FAM193A: variants seen among roughly 807,000 people sequenced by gnomAD.
FAM193A encodes family with sequence similarity 193 member A, also known as protein FAM193A.
Under a neutral mutation model 126.5 loss-of-function variants are expected in FAM193A, and 22 were observed. That is an observed-to-expected ratio of 0.17 (90% CI 0.12 to 0.25). The LOEUF (loss-of-function observed/expected upper bound fraction) is 0.25. FAM193A is among the 10% of genes least tolerant of loss of function. The probability of loss-of-function intolerance (pLI) is 1.00; values close to 1 mark genes in which losing one functional copy is unlikely to be tolerated. For synonymous variants in FAM193A, 761 were observed against 646.8 expected, an observed-to-expected ratio of 1.18 and a Z score of -2.68; for missense variants, 1,675 against 1,672.8, an observed-to-expected ratio of 1.00 and a Z score of -0.02.
intron 1 of FAM193A, among the ~76,000 whole-genome samples, chr4:2,580,946 G>C (rs756497813): frequency 6.6e-6 from 1 of 152,118 alleles, no homozygotes; most frequent in South Asian, 2.1e-4. Context: ...TGGCTAACAC[G>C]GTGAAACCCC....
chr4:2,623,460 G>A (rs1429121529), intron 2 of FAM193A, among the ~76,000 whole-genome samples: 1 of 151,682 alleles, frequency 6.6e-6, no homozygotes, highest in African/African-American at 2.4e-5. Context: ...GTGAGCCACC[G>A]CGCCTGGCCG....
chr4:2,601,672 T>C (rs891976622), intron 2 of FAM193A, among the ~76,000 whole-genome samples: 1 of 151,722 alleles, frequency 6.6e-6, no homozygotes, highest in African/African-American at 2.4e-5. Flanking sequence ...GAGGATTGCT[T>C]GAGGCCAGGA....
At chr4:2,624,573 A>G (rs1301781635) in intron 2 of FAM193A, among the ~76,000 whole-genome samples, 1 of 152,224 alleles carries the variant, frequency 6.6e-6, no homozygotes, top group Non-Finnish European at 1.5e-5. Flanking sequence ...GGTTTCTACC[A>G]TGTGCTGTCT....
chr4:2,656,552 GT>G (rs1711709409), intron 7 of FAM193A, among the ~76,000 whole-genome samples: 1 of 152,190 alleles, frequency 6.6e-6, no homozygotes, highest in Non-Finnish European at 1.5e-5. Context: ...CACCTTGAAA[GT>G]GCCCTCAGTT....
In FAM193A at chr4:2,728,895, A is replaced by ATTTTTTTT. The variant is rs1491485597; in HGVS notation, c.4455-2880_4455-2879insTTTTTTTT. ...TAAGCAAATATGTTCCACCTCCAAAACTTTTTTTTTTTTTTTTTTTTTTTT... is the reference window on the plus strand; with the variant it reads ...TAAGCAAATATGTTCCACCTCCAAAATTTTTTTTCTTTTTTTTTTTTTTTTTTTTTTTT... On this transcript the variant is annotated intron_variant, in intron 20 of 20. Coordinates refer to ENST00000637812, the MANE Select transcript of FAM193A (RefSeq NM_001366318.2). Among the ~76,000 whole-genome samples the ATTTTTTTT allele has an allele frequency of 9.5e-5, 10 of 105,710 alleles. 2 individuals are homozygous for ATTTTTTTT. Among genetic ancestry groups the ATTTTTTTT allele is most frequent in the East Asian group, 2.4e-4 (1 of 4,136 alleles). The allele number at this position is 105,710 out of a possible 152,430, so 69.3% of individuals were successfully genotyped here. A position where few individuals can be genotyped will look rare whatever the true frequency, so the allele number is the denominator to read the frequency against.
chr4:2,679,942 C>T (rs1714908721), intron 13 of FAM193A, among the ~76,000 whole-genome samples: 1 of 151,488 alleles, frequency 6.6e-6, no homozygotes, highest in Admixed American at 6.5e-5. Context: ...TCACTGCAAC[C>T]TCCGCCTCTC....
intron 5 of FAM193A, 111 bp downstream of exon 5, chr4:2,631,280 A>G (rs568706269): frequency 7.2e-5 from 65 of 900,238 alleles, no homozygotes; most frequent in Middle Eastern, 2.5e-4. Flanking sequence ...ACCCCCACAC[A>G]CTGTGATAGG....
chr4:2,565,508 A>G (rs1271655091), intron 1 of FAM193A, among the ~76,000 whole-genome samples: 3 of 152,070 alleles, frequency 2.0e-5, no homozygotes, highest in African/African-American at 7.2e-5. Flanking sequence ...TACCTGCCTC[A>G]GCCTCCCAGA....
intron 5 of FAM193A, among the ~76,000 whole-genome samples, chr4:2,635,637 A>C (rs1161674243): frequency 6.6e-6 from 1 of 152,260 alleles, no homozygotes; most frequent in South Asian, 2.1e-4. Flanking sequence ...AGTTCAAGCG[A>C]TTCTCCTGCC....
intron 20 of FAM193A, among the ~76,000 whole-genome samples, chr4:2,731,365 C>CAA (rs111451399): frequency 7.0e-6 from 1 of 143,224 alleles, no homozygotes; most frequent in Non-Finnish European, 1.5e-5. Context: ...GACCCTGTCT[C>CAA]AAAAAAAAAA....
intron 19 of FAM193A, 130 bp from the exon 20 acceptor site, chr4:2,715,893 A>C (rs1360240463): frequency 1.4e-6 from 1 of 694,518 alleles, no homozygotes; most frequent in Non-Finnish European, 2.6e-6. Context: ...GTCCTCTAAA[A>C]TCTCATTTTA....
At chr4:2,617,473 C>A (rs1354192689) in intron 2 of FAM193A, among the ~76,000 whole-genome samples, 2 of 150,094 alleles carry the variant, frequency 1.3e-5, no homozygotes, top group Non-Finnish European at 3.0e-5. Flanking sequence ...ACCATCTTGG[C>A]CAGGCTGATC....
At chr4:2,637,030 A>G (rs1034724222) in intron 5 of FAM193A, among the ~76,000 whole-genome samples, 7 of 152,224 alleles carry the variant, frequency 4.6e-5, no homozygotes, top group African/African-American at 1.7e-4. Context: ...TTTAAATATT[A>G]AAGTAAAATT....
intron 20 of FAM193A, among the ~76,000 whole-genome samples, chr4:2,725,487 CAG>C (rs986885058): frequency 2.7e-5 from 4 of 149,220 alleles, no homozygotes; most frequent in Admixed American, 2.7e-4. Flanking sequence ...GTAATCACAC[CAG>C]AGAGGCAGTG....
intron 12 of FAM193A, among the ~76,000 whole-genome samples, chr4:2,669,941 T>C (rs982041750): frequency 5.3e-5 from 8 of 152,184 alleles, no homozygotes; most frequent in Non-Finnish European, 1.5e-5. Context: ...TATCTCTTTG[T>C]TTTTATCCAT....
At chr4:2,589,726 A>C (rs762875706) in intron 1 of FAM193A, among the ~76,000 whole-genome samples, 6 of 152,246 alleles carry the variant, frequency 3.9e-5, no homozygotes, top group African/African-American at 9.6e-5. Flanking sequence ...TTGCTCAGAG[A>C]ACCTGCATAT....
Position 2,603,003 on chromosome 4 carries a change from C to G in FAM193A, c.501+6674C>G, listed in dbSNP as rs544846442. Among the ~76,000 whole-genome samples the G allele has an allele frequency of 3.9e-5, 4 of 101,318 alleles. No individual in the cohort carries two copies. In the East Asian group the frequency reaches 1.4e-3, roughly 34 times the overall value. 66.5% of individuals were successfully genotyped at this position (101,318 alleles called of 152,430 possible). A position where few individuals can be genotyped will look rare whatever the true frequency, so the allele number is the denominator to read the frequency against. On this transcript the variant is annotated intron_variant, in intron 2 of 20. Transcript: ENST00000637812. ...TTTTTTTTTGAGACGAAGTCTCGCT[C>G]TATTGCCCAGGCTGGAGTGCAGTGG...
intron 6 of FAM193A, among the ~76,000 whole-genome samples, chr4:2,644,051 T>C (rs1744894442): frequency 6.6e-6 from 1 of 152,204 alleles, no homozygotes; most frequent in Non-Finnish European, 1.5e-5. Context: ...GTCTTGTATT[T>C]GCAAGCTCAA....
chr4:2,567,241 C>T (rs1234465306), intron 1 of FAM193A, among the ~76,000 whole-genome samples: 1 of 143,098 alleles, frequency 7.0e-6, no homozygotes, highest in Non-Finnish European at 1.5e-5. Flanking sequence ...AGCCACCACG[C>T]CCGGCCTGAG....
Sources: allele counts gnomAD v4.1 joint callset (sites outside exome capture counted in the v4.1 genomes callset), GRCh38; gene constraint gnomAD v4.1.1; transcripts MANE v1.5; gene names NCBI Gene and HGNC (gene_info 2026-07-23, HGNC 2026-07-21).